SRCIN1: variants seen among roughly 807,000 people sequenced by gnomAD.
SRCIN1 encodes SRC kinase signaling inhibitor 1, also known as P130Cas-associated protein.
In SRCIN1, 50 loss-of-function variants were observed where a neutral mutation model predicts 116.2. That is an observed-to-expected ratio of 0.43 (90% CI 0.34 to 0.54). SRCIN1 has a LOEUF of 0.54. SRCIN1 is among the 20% of genes least tolerant of loss of function. The pLI is 0.02. For synonymous variants in SRCIN1, 736 were observed against 750.0 expected, an observed-to-expected ratio of 0.98 and a Z score of 0.30; for missense variants, 1,446 against 1,672.0, an observed-to-expected ratio of 0.86 and a Z score of 2.36.
At position 38,533,312 on chromosome 17, in the gene SRCIN1, A is replaced by G; in HGVS notation, c.3537T>C (p.Ser1179=). 6.4e-7 allele frequency: 1 copy of G among 1,570,400 alleles called. No individual in the cohort carries two copies. The highest frequency in any genetic ancestry group is 8.6e-7 in the Non-Finnish European group (1 of 1,156,218). The change falls in exon 19 of 19, where the codon TCT becomes TCC. Residue 1179 remains serine, a synonymous_variant. Coordinates refer to ENST00000617146, the MANE Select transcript of SRCIN1 (RefSeq NM_025248.3). ...PVLTSFGARN[S]SISF ...TGAGGGGCTTCTAGAAGGAGATGGA[A>G]GAATTCCTTGCCCCAAAGGAAGTCA...
chr17:38,574,950 C>G (rs1412321792), intron 2 of SRCIN1: 2 of 401,028 alleles, frequency 5.0e-6, no homozygotes, highest in Non-Finnish European at 8.8e-6. Context: ...AGGAGGCATA[C>G]GGGGTCCACG....
intron 1 of SRCIN1, among the ~76,000 whole-genome samples, chr17:38,583,548 G>GTTTTTTTTTTTTTTTTTTTTTT (rs10691272): frequency 9.6e-6 from 1 of 104,288 alleles, no homozygotes; most frequent in Non-Finnish European, 2.0e-5. Context: ...TTCATTTTCT[G>GTTTTTTTTTTTTTTTTTTTTTT]TTTTTTTTTT....
intron 18 of SRCIN1, among the ~76,000 whole-genome samples, chr17:38,540,324 T>C (rs1904646832): frequency 6.6e-6 from 1 of 152,212 alleles, no homozygotes; most frequent in Non-Finnish European, 1.5e-5. Flanking sequence ...ATCCCAGCAC[T>C]TCTAGTCCCC....
In SRCIN1 at chr17:38,543,924, C is replaced by G. The variant is rs1411956366; in HGVS notation, c.3316G>C (p.Ala1106Pro). The G allele has an allele frequency of 1.3e-6, 2 of 1,600,000 alleles. No individual in the cohort carries two copies. Among genetic ancestry groups the G allele is most frequent in the Non-Finnish European group, 8.5e-7 (1 of 1,177,542 alleles). ...VPPMKVVTPG[A>P]SRLKAAQGQA... ...CCCTGGGCCGCCTTCAGCCGAGAGG[C>G]CCCCGGAGTCACCACCTTCATGGGT... Residue 1106 changes from alanine (A) to proline (P), a missense_variant, in exon 18 of 19, where the codon GCC becomes CCC. Coordinates refer to ENST00000617146, the MANE Select transcript of SRCIN1 (RefSeq NM_025248.3).
Position 38,568,061 on chromosome 17 carries a change from C to G in SRCIN1, c.345+150G>C. 1 of 966,132 alleles carries G rather than the reference C, an allele frequency of 1.0e-6. No homozygotes were observed. The highest frequency in any genetic ancestry group is 3.0e-4 in the Middle Eastern group (1 of 3,342). The allele number at this position is 966,132 out of a possible 1,614,324, so 59.8% of individuals were successfully genotyped here. A position where few individuals can be genotyped will look rare whatever the true frequency, so the allele number is the denominator to read the frequency against. On this transcript the variant is annotated intron_variant, in intron 3 of 18. Coordinates refer to ENST00000617146, the MANE Select transcript of SRCIN1 (RefSeq NM_025248.3). This position sits in a 1 kb window ranked among gnomAD's most constrained non-coding sequence, Gnocchi z 4.5. ...ACCCAGACTCTCCCAAAGCAGCAGC[C>G]ACAGCCTGCAGCCCCGAGGCCCACC...
At chr17:38,557,809 C>T (rs1905906219) in intron 11 of SRCIN1, among the ~76,000 whole-genome samples, 1 of 152,174 alleles carries the variant, frequency 6.6e-6, no homozygotes, top group South Asian at 2.1e-4. Context: ...GGCTGGTCAG[C>T]GCCAGGCTGG....
Position 38,563,188 on chromosome 17 carries a change from G to C in SRCIN1, c.740+135C>G, listed in dbSNP as rs563733074. 3.0e-6 allele frequency: 3 copies of C among 994,974 alleles called. No individual in the cohort carries two copies. The highest frequency in any genetic ancestry group is 5.1e-5 in the Admixed American group (2 of 39,394). 61.6% of individuals were successfully genotyped at this position (994,974 alleles called of 1,614,324 possible). A position where few individuals can be genotyped will look rare whatever the true frequency, so the allele number is the denominator to read the frequency against. ...AGATGGCCGAGGAAGGGGGCGGGGC[G>C]GTAGGGCTCTGGGAGGGGAGGGGAA... On this transcript the variant is annotated intron_variant, in intron 5 of 18. Transcript: ENST00000617146. This position sits in a 1 kb window ranked among gnomAD's most constrained non-coding sequence, Gnocchi z 5.8.
At chr17:38,548,770 TC>T in intron 16 of SRCIN1, 61 bp from the exon 17 acceptor site, 11 of 1,480,606 alleles carry the variant, frequency 7.4e-6, no homozygotes, top group Non-Finnish European at 9.8e-6. Context: ...CCAGCTCACC[TC>T]CCAGGCCCCA....
At chr17:38,600,170 T>C (rs1908943265) in intron 1 of SRCIN1, among the ~76,000 whole-genome samples, 1 of 152,202 alleles carries the variant, frequency 6.6e-6, no homozygotes, top group African/African-American at 2.4e-5. Context: ...CAGTCCTCCT[T>C]GGTGGCATTT....
At chr17:38,535,932 C>T (rs1394499299) in intron 18 of SRCIN1, among the ~76,000 whole-genome samples, 2 of 152,192 alleles carry the variant, frequency 1.3e-5, no homozygotes, top group Non-Finnish European at 2.9e-5. Flanking sequence ...CCTACCCCTT[C>T]AGCATTTTTC....
At position 38,558,325 on chromosome 17, in the gene SRCIN1, C is replaced by A; in HGVS notation, c.2103G>T (p.Ala701=). The A allele has an allele frequency of 6.2e-7, 1 of 1,610,400 alleles. No individual in the cohort carries two copies. Among genetic ancestry groups the A allele is most frequent in the African/African-American group, 1.3e-5 (1 of 75,054 alleles). Residue 701 remains alanine, a synonymous_variant, in exon 11 of 19, where the codon GCG becomes GCT. Transcript: ENST00000617146. The surrounding 1 kb of genome is among the most constrained non-coding windows in gnomAD (Gnocchi z 4.6). ...AELSMRVSEA[A]RRQEDPLQRQ... Reference sequence around the variant, plus strand: ...GCTGCAGCGGGTCCTCCTGCCGCCGCGCCGCCTCCGACACGCGCATGCTCA... The same window carrying A: ...GCTGCAGCGGGTCCTCCTGCCGCCGAGCCGCCTCCGACACGCGCATGCTCA...
intron 2 of SRCIN1, among the ~76,000 whole-genome samples, chr17:38,573,370 A>C (rs560304367): frequency 6.6e-6 from 1 of 152,266 alleles, no homozygotes; most frequent in South Asian, 2.1e-4. Context: ...TGGCCTTTCC[A>C]AAGTCTCTGG....
chr17:38,571,381 G>A (rs1379790025), intron 2 of SRCIN1, among the ~76,000 whole-genome samples: 1 of 152,172 alleles, frequency 6.6e-6, no homozygotes, highest in Non-Finnish European at 1.5e-5. Flanking sequence ...TGGGTGGAGG[G>A]TGGGATCTCT....
chr17:38,569,743 C>A (rs1906957075), intron 2 of SRCIN1, among the ~76,000 whole-genome samples: 2 of 152,186 alleles, frequency 1.3e-5, no homozygotes, highest in African/African-American at 4.8e-5. Context: ...TGTGTCCCAG[C>A]CAATGCTTGG....
rs2143245366 is a variant in SRCIN1, at chr17:38,568,077, G to A, written c.345+134C>T. On this transcript the variant is annotated intron_variant, in intron 3 of 18. Transcript: ENST00000617146. The surrounding 1 kb of genome is among the most constrained non-coding windows in gnomAD (Gnocchi z 4.5). ...AGCAGCAGCCACAGCCTGCAGCCCC[G>A]AGGCCCACCGCCCATACCAGAAGGT... 5 of 1,100,164 alleles carry A rather than the reference G, an allele frequency of 4.5e-6. No homozygotes were observed. The highest frequency in any genetic ancestry group is 2.7e-5 in the South Asian group (2 of 74,804). The allele number at this position is 1,100,164 out of a possible 1,614,324, so 68.2% of individuals were successfully genotyped here. A position where few individuals can be genotyped will look rare whatever the true frequency, so the allele number is the denominator to read the frequency against.
intron 11 of SRCIN1, among the ~76,000 whole-genome samples, chr17:38,553,815 G>A (rs1905606769): frequency 6.6e-6 from 1 of 152,174 alleles, no homozygotes; most frequent in African/African-American, 2.4e-5. Flanking sequence ...GAGTCAGACT[G>A]ATCCAAGCTC....
At position 38,551,251 on chromosome 17, in the gene SRCIN1, G is replaced by T; in HGVS notation, c.2866C>A (p.Pro956Thr). Residue 956 changes from proline to threonine, a missense_variant, in exon 15 of 19, where the codon CCA (proline) becomes ACA (threonine). By Grantham distance (38) the Pro-to-Thr change is conservative. Around this residue, in one of 5 missense-constraint regions of SRCIN1, gnomAD observed 531 missense variants for 633.9 expected, o/e 0.84. Transcript: ENST00000617146. ...PDLDCASKAH[P>T]GPAPTPDHKP... is the part of the protein sequence containing the mutation. ...TGATCTGGAGTGGGGGCCGGGCCTG[G>T]ATGGGCCTTGCTGGCACAGTCCAGG... 6.8e-6 allele frequency: 11 copies of T among 1,612,904 alleles called. No individual in the cohort carries two copies. The highest frequency in any genetic ancestry group is 9.3e-6 in the Non-Finnish European group (11 of 1,179,536).
chr17:38,533,445 A>G lies in SRCIN1; in HGVS notation c.3418-14T>C. On this transcript the variant is annotated splice_polypyrimidine_tract_variant and intron_variant, in intron 18 of 18. Coordinates refer to ENST00000617146, the MANE Select transcript of SRCIN1 (RefSeq NM_025248.3). ...TGGTTTAGTGGCCTGGAACAAAAAC[A>G]GGGGTCAGGGGTCAGAGAGCGGAAG... 6.2e-7 allele frequency: 1 copy of G among 1,611,126 alleles called. No homozygotes were observed. The highest frequency in any genetic ancestry group is 8.5e-7 in the Non-Finnish European group (1 of 1,178,658).
chr17:38,551,741 G>T, intron 14 of SRCIN1, 145 bp downstream of exon 14: 1 of 1,326,284 alleles, frequency 7.5e-7, no homozygotes, highest in Non-Finnish European at 1.1e-6. Context: ...CCCTCATTAT[G>T]CTTCTTAGGC....
Sources: allele counts gnomAD v4.1 joint callset (sites outside exome capture counted in the v4.1 genomes callset), GRCh38; gene constraint gnomAD v4.1.1; regional missense constraint gnomAD v4.1.1; non-coding constraint Gnocchi (gnomAD v3.1); transcripts MANE v1.5; gene names NCBI Gene and HGNC (gene_info 2026-07-23, HGNC 2026-07-21).